The following FSTL5 variants were observed in gnomAD, a reference collection of about 807,000 sequenced individuals.
FSTL5 encodes follistatin like 5.
A neutral mutation model predicts 89.1 loss-of-function variants in FSTL5; 62 were observed. The observed-to-expected ratio is 0.70, with a 90% CI of 0.57 to 0.86. FSTL5 has a LOEUF of 0.86. Among genes scored for constraint, FSTL5 ranks in the 40% least tolerant of loss-of-function variants. The probability of loss-of-function intolerance (pLI) is 0.00; values close to 1 mark genes in which losing one functional copy is unlikely to be tolerated. For synonymous variants in FSTL5, 383 were observed against 346.2 expected, an observed-to-expected ratio of 1.11 and a Z score of -1.18; for missense variants, 1,057 against 1,001.6, an observed-to-expected ratio of 1.06 and a Z score of -0.75.
intron 2 of FSTL5, among the ~76,000 whole-genome samples, chr4:162,086,876 T>G (rs766005406): frequency 1.3e-5 from 2 of 152,114 alleles, no homozygotes; most frequent in Non-Finnish European, 2.9e-5. Flanking sequence ...GTATATCTGA[T>G]AGTTTGGTTA....
At chr4:161,823,535 A>G (rs1730566269) in intron 4 of FSTL5, among the ~76,000 whole-genome samples, 1 of 152,204 alleles carries the variant, frequency 6.6e-6, no homozygotes, top group South Asian at 2.1e-4. Context: ...GGGAGACACC[A>G]GATCTTGGGA....
intron 3 of FSTL5, among the ~76,000 whole-genome samples, chr4:162,032,244 C>T (rs535152661): frequency 9.2e-5 from 14 of 152,030 alleles, no homozygotes; most frequent in Non-Finnish European, 1.9e-4. Flanking sequence ...TTAAGATAAA[C>T]CTGAAACCCT....
intron 2 of FSTL5, among the ~76,000 whole-genome samples, chr4:162,050,873 G>A (rs1489575398): frequency 6.6e-6 from 1 of 151,192 alleles, no homozygotes; most frequent in African/African-American, 2.4e-5. Context: ...TTAACTAGAA[G>A]AAATTAGGCC....
chr4:161,886,955 A>G (rs1476202583), intron 4 of FSTL5, among the ~76,000 whole-genome samples: 1 of 152,192 alleles, frequency 6.6e-6, no homozygotes, highest in African/African-American at 2.4e-5. Flanking sequence ...CTGTTTAAAC[A>G]TATTTTTCAA....
chr4:162,054,310 G>T (rs1346575234), intron 2 of FSTL5, among the ~76,000 whole-genome samples: 1 of 151,722 alleles, frequency 6.6e-6, no homozygotes. Context: ...CGTGTGAATA[G>T]AATCCTGCAG....
At chr4:161,880,199 T>C (rs958093045) in intron 4 of FSTL5, among the ~76,000 whole-genome samples, 1 of 152,118 alleles carries the variant, frequency 6.6e-6, no homozygotes, top group Non-Finnish European at 1.5e-5. Context: ...AAATTTTAAA[T>C]ATTTAATCCT....
intron 8 of FSTL5, among the ~76,000 whole-genome samples, chr4:161,566,919 G>A (rs57917570): frequency 0.47 from 71,751 of 151,864 alleles, 17,184 homozygotes; most frequent in Middle Eastern, 0.59. Context: ...TTACTATTAC[G>A]TATGATGCTC....
chr4:161,938,951 T>TA (rs1335086865), intron 3 of FSTL5, among the ~76,000 whole-genome samples: 2 of 151,986 alleles, frequency 1.3e-5, no homozygotes, highest in Non-Finnish European at 2.9e-5. Flanking sequence ...ATCAATAATT[T>TA]AAAAATCATA....
At chr4:161,814,240 C>T (rs1022161145) in intron 4 of FSTL5, among the ~76,000 whole-genome samples, 1 of 152,084 alleles carries the variant, frequency 6.6e-6, no homozygotes, top group Non-Finnish European at 1.5e-5. Context: ...ACATTTGCTG[C>T]TCTATGAAAG....
intron 2 of FSTL5, among the ~76,000 whole-genome samples, chr4:162,044,909 T>G (rs976696921): frequency 3.9e-5 from 6 of 152,200 alleles, no homozygotes; most frequent in African/African-American, 1.4e-4. Flanking sequence ...TTGCTCCAAA[T>G]TATGCTTTGG....
At chr4:162,144,117 C>A (rs1251141128) in intron 1 of FSTL5, among the ~76,000 whole-genome samples, 2 of 152,004 alleles carry the variant, frequency 1.3e-5, no homozygotes. Flanking sequence ...AGGGACGAGG[C>A]TTCATTGGCC....
chr4:161,472,389 T>C (rs1452551982), intron 13 of FSTL5, among the ~76,000 whole-genome samples: 1 of 152,150 alleles, frequency 6.6e-6, no homozygotes, highest in Non-Finnish European at 1.5e-5. Flanking sequence ...GCTCTGACTT[T>C]AGCTCTTTTT....
At chr4:161,730,245 A>G (rs1199077370) in intron 6 of FSTL5, among the ~76,000 whole-genome samples, 1 of 152,084 alleles carries the variant, frequency 6.6e-6, no homozygotes, top group Non-Finnish European at 1.5e-5. Context: ...ATTGGTGAGC[A>G]TCTATTATTT....
At chr4:162,083,209 T>C (rs1046519608) in intron 2 of FSTL5, among the ~76,000 whole-genome samples, 3 of 151,782 alleles carry the variant, frequency 2.0e-5, no homozygotes, top group African/African-American at 7.2e-5. Flanking sequence ...TTTAACATAG[T>C]TTTATTGGAA....
At chr4:161,799,303 G>C (rs1000426303) in intron 4 of FSTL5, among the ~76,000 whole-genome samples, 6 of 151,648 alleles carry the variant, frequency 4.0e-5, no homozygotes, top group Admixed American at 3.3e-4. Flanking sequence ...AGCACACCAC[G>C]GTAGTGATGA....
intron 3 of FSTL5, among the ~76,000 whole-genome samples, chr4:161,978,236 A>G (rs388838): frequency 0.24 from 36,616 of 152,104 alleles, 5,095 homozygotes; most frequent in African/African-American, 0.39. Context: ...CCAAATGTAT[A>G]TTTACATGTA....
intron 4 of FSTL5, among the ~76,000 whole-genome samples, chr4:161,783,807 G>T (rs1310220670): frequency 6.9e-6 from 1 of 144,918 alleles, no homozygotes; most frequent in Admixed American, 7.2e-5. Context: ...ACCCAGGCTG[G>T]AGGGCAGTGG....
chr4:161,977,639 A>AAAAAAAAAAAAAT (rs1553988132), intron 3 of FSTL5, among the ~76,000 whole-genome samples: 5 of 101,244 alleles, frequency 4.9e-5, no homozygotes, highest in Non-Finnish European at 7.6e-5. Context: ...AAAAAAAAAA[A>AAAAAAAAAAAAAT]AATAATAATA....
At chr4:161,911,783 C>G (rs975218612) in intron 4 of FSTL5, among the ~76,000 whole-genome samples, 6 of 152,100 alleles carry the variant, frequency 3.9e-5, no homozygotes, top group African/African-American at 1.2e-4. Flanking sequence ...CTTTTTTAAA[C>G]TTTGCTTAAC....
Sources: gnomAD v4.1 joint callset for allele counts (sites outside exome capture counted in the v4.1 genomes callset) on GRCh38, gnomAD v4.1.1 for gene constraint, MANE v1.5 for transcripts, NCBI Gene and HGNC (gene_info 2026-07-23, HGNC 2026-07-21) for gene names.